Variants in APOL2 observed in about 807,000 individuals in gnomAD.
APOL2 encodes apolipoprotein L2.
A neutral mutation model predicts 7.1 loss-of-function variants in APOL2; 8 were observed. The observed-to-expected ratio is 1.12, with a 90% CI of 0.66 to 2.03. APOL2 has a LOEUF of 2.03. APOL2 is among the 30% of genes most tolerant of loss of function. The probability of loss-of-function intolerance (pLI) is 0.00; values close to 1 mark genes in which losing one functional copy is unlikely to be tolerated. For missense variants in APOL2, 471 were observed against 415.1 expected, an observed-to-expected ratio of 1.13 and a Z score of -1.17; for synonymous variants, 177 against 159.9, an observed-to-expected ratio of 1.11 and a Z score of -0.81.
At chr22:36,235,319 C>T (rs531422229) in intron 1 of APOL2, among the ~76,000 whole-genome samples, 3 of 152,172 alleles carry the variant, frequency 2.0e-5, no homozygotes, top group South Asian at 2.1e-4. Flanking sequence ...ACCTGCCCCC[C>T]ACCCCGTTCA....
In APOL2 at chr22:36,227,609, C is replaced by T; in HGVS notation, c.809G>A (p.Arg270Lys). ...VVEGPAQAMS[R>K]GTMIVGAATG... ...GGCTGCACCCACGATCATGGTTCCT[C>T]TGCTCATTGCCTGGGCGGGGCCTTC... The change falls in exon 5 of 5, where the codon AGA becomes AAA. Residue 270 changes from arginine (R) to lysine (K), a missense_variant. Coordinates refer to ENST00000358502, the MANE Select transcript of APOL2 (RefSeq NM_030882.4). The T allele has an allele frequency of 6.2e-7, 1 of 1,614,270 alleles. No homozygotes were observed. Among genetic ancestry groups the T allele is most frequent in the Non-Finnish European group, 8.5e-7 (1 of 1,180,054 alleles).
At chr22:36,235,756 G>GGTGTGTGT (rs869225053) in intron 1 of APOL2, among the ~76,000 whole-genome samples, 2 of 113,120 alleles carry the variant, frequency 1.8e-5, no homozygotes, top group Admixed American at 9.2e-5. Flanking sequence ...TGGGTGGGTG[G>GGTGTGTGT]GTGTGTGTGT....
chr22:36,234,458 T>C (rs919838307), intron 1 of APOL2: 10 of 152,192 alleles, frequency 6.6e-5, no homozygotes, highest in African/African-American at 9.7e-5. Context: ...CCCTCTAAAG[T>C]GCTGGATTAC....
intron 1 of APOL2, among the ~76,000 whole-genome samples, chr22:36,236,282 G>A (rs2015401358): frequency 6.6e-6 from 1 of 152,202 alleles, no homozygotes; most frequent in South Asian, 2.1e-4. Context: ...GTAGCAGTTG[G>A]GATGTGAAGC....
intron 1 of APOL2, among the ~76,000 whole-genome samples, chr22:36,235,529 C>CA (rs5845256): frequency 0.28 from 42,791 of 151,200 alleles, 6,795 homozygotes; most frequent in Non-Finnish European, 0.35. Context: ...ATGAAACAAA[C>CA]AAAAAAAGAG....
chr22:36,239,593 A>G, upstream of APOL2: 1 of 1,290,936 alleles, frequency 7.7e-7, no homozygotes, highest in South Asian at 1.3e-5. Flanking sequence ...GAAAGTCACA[A>G]CTTCCCAGCA....
chr22:36,228,165 A>G lies in APOL2; in HGVS notation c.253T>C (p.Phe85Leu). The G allele has an allele frequency of 2.5e-6, 4 of 1,613,922 alleles. No homozygotes were observed. Residue 85 changes from phenylalanine (F) to leucine (L), a missense_variant, in exon 5 of 5, where the codon TTT becomes CTT. Transcript: ENST00000358502. ...QQHRQWFLKE[F>L]PRLKRELEDH... ...TCAAGCTCCCTTTTCAACCGAGGAA[A>G]CTCTTTCAAAAACCACTGCCTGTGC... is the stretch of plus-strand genomic sequence containing the variant.
chr22:36,226,588 A>T lies in APOL2; in HGVS notation c.*816T>A, dbSNP rs552189141. The stretch of plus-strand genomic sequence containing the variant: ...TGATACACCCCCAGAAGGACAAGGG[A>T]GAGTGGATGCTGGAAAGACAGAGCG... On this transcript the variant is annotated 3_prime_UTR_variant, in exon 5 of 5. Transcript: ENST00000358502. The T allele has an allele frequency of 6.6e-6, 1 of 152,568 alleles. No individual in the cohort carries two copies. The highest frequency in any genetic ancestry group is 2.1e-4 in the South Asian group (1 of 4,816). 9.5% of individuals were successfully genotyped at this position (152,568 alleles called of 1,614,324 possible). A position where few individuals can be genotyped will look rare whatever the true frequency, so the allele number is the denominator to read the frequency against.
chr22:36,237,108 G>C lies in APOL2; in HGVS notation c.-134+2333C>G, dbSNP rs905613697. On this transcript the variant is annotated intron_variant, in intron 1 of 4. Coordinates refer to ENST00000358502, the MANE Select transcript of APOL2 (RefSeq NM_030882.4). ...TGCATCCAGGATCCCATCCTCCTGG[G>C]TCATTGTTGGCCTGGCTCCCACCTT... The C allele has an allele frequency of 2.0e-6, 3 of 1,534,748 alleles. 1 individual carries two copies. The highest frequency in any genetic ancestry group is 2.6e-6 in the Non-Finnish European group (3 of 1,139,414).
chr22:36,239,303 C>T, intron 1 of APOL2, 138 bp downstream of exon 1: 1 of 1,337,676 alleles, frequency 7.5e-7, no homozygotes, highest in East Asian at 2.7e-5. Context: ...AATCCCGGCT[C>T]TGCCACTGCT....
At chr22:36,237,246 T>C in intron 1 of APOL2, 1 of 1,365,626 alleles carries the variant, frequency 7.3e-7, no homozygotes, top group Non-Finnish European at 9.5e-7. Flanking sequence ...GGTGTCCAAC[T>C]GAGCGACCTG....
chr22:36,228,957 A>G (rs1199390726), intron 4 of APOL2, among the ~76,000 whole-genome samples: 1 of 152,148 alleles, frequency 6.6e-6, no homozygotes, highest in Non-Finnish European at 1.5e-5. Context: ...CTGGACACTA[A>G]GGCATGGGTT....
At position 36,227,315 on chromosome 22, in the gene APOL2, C is replaced by T; in HGVS notation, c.*89G>A. ...TGGGCGATAGAGCGAGACTCCATCT[C>T]AAAAAAAAAAAAAAAAAAAAAAAAA... is the stretch of plus-strand genomic sequence containing the variant. On this transcript the variant is annotated 3_prime_UTR_variant, in exon 5 of 5. Transcript: ENST00000358502. 2 of 958,174 alleles carry T rather than the reference C, an allele frequency of 2.1e-6. No homozygotes were observed. Among genetic ancestry groups the T allele is most frequent in the Non-Finnish European group, 1.4e-6 (1 of 711,552 alleles). The allele number at this position is 958,174 out of a possible 1,614,324, so 59.4% of individuals were successfully genotyped here. A position where few individuals can be genotyped will look rare whatever the true frequency, so the allele number is the denominator to read the frequency against.
chr22:36,233,529 A>G, intron 1 of APOL2, 74 bp from the exon 2 acceptor site: 1 of 1,323,772 alleles, frequency 7.6e-7, no homozygotes, highest in Middle Eastern at 1.9e-4. Context: ...CAGAGTCTAT[A>G]CACAGGAATA....
At chr22:36,232,837 C>G (rs1244423866) in intron 3 of APOL2, among the ~76,000 whole-genome samples, 1 of 152,066 alleles carries the variant, frequency 6.6e-6, no homozygotes, top group Non-Finnish European at 1.5e-5. Flanking sequence ...CTCCTGGACC[C>G]TGCTCTTCCC....
intron 1 of APOL2, among the ~76,000 whole-genome samples, chr22:36,235,599 G>C (rs1410933706): frequency 6.6e-6 from 1 of 152,112 alleles, no homozygotes; most frequent in African/African-American, 2.4e-5. Context: ...CCATGTGAAA[G>C]AAAGTCACGG....
rs537373400 is a variant in APOL2 at position 36,227,247 on chromosome 22, C to G, written c.*157G>C. The stretch of plus-strand genomic sequence containing the variant: ...CGGAGAATGGTGTGAACCCGGGAGG[C>G]GGAGTTTGCAGTGAGCCGAGATTGA... On this transcript the variant is annotated 3_prime_UTR_variant, in exon 5 of 5. Coordinates refer to ENST00000358502, the MANE Select transcript of APOL2 (RefSeq NM_030882.4). 9.4e-6 allele frequency: 8 copies of G among 847,084 alleles called. No individual in the cohort carries two copies. The Admixed American group carries it at 2.7e-4, about 28-fold the overall frequency. 52.5% of individuals were successfully genotyped at this position (847,084 alleles called of 1,614,324 possible). A position where few individuals can be genotyped will look rare whatever the true frequency, so the allele number is the denominator to read the frequency against.
chr22:36,231,489 A>G (rs1276491013), intron 3 of APOL2, 23 bp from the exon 4 acceptor site: 1 of 1,611,112 alleles, frequency 6.2e-7, no homozygotes, highest in South Asian at 1.1e-5. Flanking sequence ...AAGAAAGGAT[A>G]AGGTTGGAGG....
At position 36,229,688 on chromosome 22, in the gene APOL2, T is replaced by C. The variant is rs181376779; in HGVS notation, c.138-1408A>G. 2.6e-3 allele frequency among the ~76,000 whole-genome samples: 403 copies of C among 152,338 alleles called. 2 individuals carry two copies. The highest frequency in any genetic ancestry group is 9.0e-3 in the African/African-American group (376 of 41,556). ...CTAAGGATGATTTTAGGAATCCCCA[T>C]AGATTTGCAGGTGGTGTCAAAGGTA... On this transcript the variant is annotated intron_variant, in intron 4 of 4. Coordinates refer to ENST00000358502, the MANE Select transcript of APOL2 (RefSeq NM_030882.4).
Sources: allele counts gnomAD v4.1 joint callset (sites outside exome capture counted in the v4.1 genomes callset), GRCh38; gene constraint gnomAD v4.1.1; transcripts MANE v1.5; gene names NCBI Gene and HGNC (gene_info 2026-07-23, HGNC 2026-07-21).